The following FBXW2 variants were observed in gnomAD, a reference collection of about 807,000 sequenced individuals.
FBXW2 encodes F-box and WD repeat domain containing 2, also known as F-box/WD repeat-containing protein 2.
In FBXW2, 12 loss-of-function variants were observed where a neutral mutation model predicts 46.0. The ratio of observed to expected loss-of-function variants is 0.26; its 90% CI spans 0.17 to 0.42. The LOEUF (loss-of-function observed/expected upper bound fraction) is 0.42. Ranked by LOEUF, FBXW2 falls within the 10% of genes least tolerant of loss-of-function variation. The probability of loss-of-function intolerance (pLI) is 1.00; values close to 1 mark genes in which losing one functional copy is unlikely to be tolerated. For missense variants in FBXW2, 360 were observed against 537.0 expected (o/e 0.67, Z 3.26); for synonymous variants, 203 against 209.6 (o/e 0.97, Z 0.27).
intron 2 of FBXW2, among the ~76,000 whole-genome samples, chr9:120,789,513 G>A (rs535608109): frequency 6.6e-6 from 1 of 152,088 alleles, no homozygotes; most frequent in Non-Finnish European, 1.5e-5. Context: ...TTAATGCTGG[G>A]TGATGTGTAC....
At chr9:120,779,788 G>A (rs2044571491) in intron 3 of FBXW2, among the ~76,000 whole-genome samples, 4 of 152,196 alleles carry the variant, frequency 2.6e-5, no homozygotes, top group South Asian at 4.1e-4. Flanking sequence ...GGTCTAGAAC[G>A]GTGCTATCCA....
At chr9:120,781,661 C>CATAT (rs1564459202) in intron 3 of FBXW2, among the ~76,000 whole-genome samples, 1 of 151,520 alleles carries the variant, frequency 6.6e-6, no homozygotes, top group African/African-American at 2.4e-5. Context: ...CACACACACA[C>CATAT]ACACACACAC....
intron 4 of FBXW2, 138 bp downstream of exon 4, chr9:120,778,213 G>C: frequency 1.2e-6 from 1 of 808,068 alleles, no homozygotes; most frequent in Non-Finnish European, 1.9e-6. Context: ...TAGAATAAAG[G>C]GAAATAACTG....
At chr9:120,781,954 C>T (rs535978181) in intron 3 of FBXW2, among the ~76,000 whole-genome samples, 8 of 146,522 alleles carry the variant, frequency 5.5e-5, no homozygotes, top group East Asian at 2.0e-4. Flanking sequence ...ACCCGGGAGG[C>T]GGAGGTTGCG....
At chr9:120,778,214 G>C (rs2044539636) in intron 4 of FBXW2, 137 bp downstream of exon 4, 2 of 815,384 alleles carry the variant, frequency 2.5e-6, no homozygotes, top group East Asian at 5.4e-5. Flanking sequence ...AGAATAAAGG[G>C]AAATAACTGC....
rs1406983928 is a variant in FBXW2, at chr9:120,759,680, A to T, written c.*4879T>A. On this transcript the variant is annotated 3_prime_UTR_variant, in exon 8 of 8. Coordinates refer to ENST00000608872, the MANE Select transcript of FBXW2 (RefSeq NM_012164.4). ...ATGAGCTTTTATCATCTGAATTACT[A>T]ATTTTCCAGGGTTGAATATTAAAAA... 1 of 152,224 alleles carries T rather than the reference A, an allele frequency of 6.6e-6. No individual in the cohort carries two copies. Among genetic ancestry groups the T allele is most frequent in the Non-Finnish European group, 1.5e-5 (1 of 68,042 alleles). The allele number at this position is 152,224 out of a possible 1,614,324, so 9.4% of individuals were successfully genotyped here. A position where few individuals can be genotyped will look rare whatever the true frequency, so the allele number is the denominator to read the frequency against.
chr9:120,764,894 C>A, intron 7 of FBXW2, 47 bp from the exon 8 acceptor site: 8 of 1,399,796 alleles, frequency 5.7e-6, no homozygotes, highest in South Asian at 1.5e-5. Context: ...AACCTTGCTT[C>A]TGTTTATGCT....
chr9:120,782,687 C>G (rs1359287161), intron 3 of FBXW2, among the ~76,000 whole-genome samples: 1 of 151,868 alleles, frequency 6.6e-6, no homozygotes, highest in Non-Finnish European at 1.5e-5. Flanking sequence ...ATAAAAAATA[C>G]AAAAATTAGC....
intron 3 of FBXW2, among the ~76,000 whole-genome samples, chr9:120,784,647 C>T (rs2044681730): frequency 6.6e-6 from 1 of 151,290 alleles, no homozygotes; most frequent in African/African-American, 2.4e-5. Flanking sequence ...CGGCTGGGTG[C>T]AGTGCCTCAC....
chr9:120,768,680 G>T (rs888657550), intron 7 of FBXW2, among the ~76,000 whole-genome samples: 25 of 152,002 alleles, frequency 1.6e-4, no homozygotes, highest in Non-Finnish European at 2.9e-4. Context: ...AAATTAGCTG[G>T]GCATCATGGC....
chr9:120,788,319 G>T (rs1011136674), intron 2 of FBXW2, 41 bp from the exon 3 acceptor site: 1 of 1,561,344 alleles, frequency 6.4e-7, no homozygotes, highest in Non-Finnish European at 8.6e-7. Context: ...TGCTCAAAAA[G>T]ACTGTTCAAG....
At chr9:120,770,097 C>A (rs2044345097) in intron 7 of FBXW2, among the ~76,000 whole-genome samples, 1 of 152,154 alleles carries the variant, frequency 6.6e-6, no homozygotes, top group African/African-American at 2.4e-5. Flanking sequence ...AATGAAGAGG[C>A]CGGGTGCGGT....
chr9:120,787,153 C>T (rs1028142073), intron 3 of FBXW2, among the ~76,000 whole-genome samples: 18 of 152,188 alleles, frequency 1.2e-4, no homozygotes, highest in Admixed American at 9.8e-4. Flanking sequence ...TTCAGCCTCC[C>T]GAGTAGCTGG....
intron 7 of FBXW2, among the ~76,000 whole-genome samples, chr9:120,765,320 A>G (rs1588022791): frequency 6.6e-6 from 1 of 152,190 alleles, no homozygotes. Flanking sequence ...GTCTCGAACT[A>G]CTGACCTCAG....
At position 120,793,394 on chromosome 9, in the gene FBXW2, G is replaced by C. The variant is rs1254981240; in HGVS notation, c.-170C>G. ...CTGCTCCCGGTCCGCAGCCTCACAG[G>C]GGAGCGGCTTCCGGTGCTGCCTGCG... On this transcript the variant is annotated 5_prime_UTR_variant, in exon 1 of 8. Coordinates refer to ENST00000608872, the MANE Select transcript of FBXW2 (RefSeq NM_012164.4). 5 of 400,174 alleles carry C rather than the reference G, an allele frequency of 1.2e-5. No homozygotes were observed. The highest frequency in any genetic ancestry group is 2.2e-5 in the Non-Finnish European group (5 of 227,164). The allele number at this position is 400,174 out of a possible 1,614,324, so 24.8% of individuals were successfully genotyped here.
Position 120,763,885 on chromosome 9 carries a change from C to T in FBXW2, c.*674G>A, listed in dbSNP as rs1015840480. ...CATCCAGGCTGCCGGGGACTAGCTT[C>T]CCCGACATGGCAACAAAAACTACAG... is the stretch of plus-strand genomic sequence containing the variant. On this transcript the variant is annotated 3_prime_UTR_variant, in exon 8 of 8. Coordinates refer to ENST00000608872, the MANE Select transcript of FBXW2 (RefSeq NM_012164.4). The T allele has an allele frequency of 6.6e-6, 1 of 152,302 alleles. No individual in the cohort carries two copies. The highest frequency in any genetic ancestry group is 2.4e-5 in the African/African-American group (1 of 41,472). The allele number at this position is 152,302 out of a possible 1,614,324, so 9.4% of individuals were successfully genotyped here. A position where few individuals can be genotyped will look rare whatever the true frequency, so the allele number is the denominator to read the frequency against.
chr9:120,775,409 T>C (rs913949051), intron 5 of FBXW2, among the ~76,000 whole-genome samples: 13 of 152,180 alleles, frequency 8.5e-5, no homozygotes, highest in Non-Finnish European at 1.6e-4. Context: ...AAATGATATA[T>C]TTACCCATGA....
At chr9:120,784,622 G>GAA (rs796779371) in intron 3 of FBXW2, among the ~76,000 whole-genome samples, 5 of 136,542 alleles carry the variant, frequency 3.7e-5, no homozygotes, top group Admixed American at 2.2e-4. Context: ...CTCCAAAAAA[G>GAA]AAAAAAAAAA....
chr9:120,778,079 G>C (rs2044536362), intron 4 of FBXW2, among the ~76,000 whole-genome samples: 1 of 151,908 alleles, frequency 6.6e-6, no homozygotes, highest in Non-Finnish European at 1.5e-5. Context: ...GGGGGAGAGA[G>C]AGAATGAGAG....
Sources: gnomAD v4.1 joint callset for allele counts (sites outside exome capture counted in the v4.1 genomes callset) on GRCh38, gnomAD v4.1.1 for gene constraint, MANE v1.5 for transcripts, NCBI Gene and HGNC (gene_info 2026-07-23, HGNC 2026-07-21) for gene names.